Variants in PDE11A observed in about 807,000 individuals in gnomAD.
PDE11A encodes phosphodiesterase 11A.
A neutral mutation model predicts 100.5 loss-of-function variants in PDE11A; 100 were observed. The ratio of observed to expected loss-of-function variants is 1.00; its 90% CI spans 0.85 to 1.18. The LOEUF is 1.18. Among genes scored for constraint, PDE11A ranks in the 50% most tolerant of loss-of-function variants. The pLI is 0.00. For synonymous variants in PDE11A, 381 were observed against 420.8 expected (o/e 0.91, Z 1.16); for missense variants, 1,141 against 1,152.6 (o/e 0.99, Z 0.15).
intron 2 of PDE11A, chr2:177,997,662 G>A: frequency 6.5e-7 from 1 of 1,538,024 alleles, no homozygotes; most frequent in Admixed American, 1.7e-5. Context: ...TGAAATCTTT[G>A]AGTTTTTCTG....
At chr2:177,990,376 TA>T (rs1357063362) in intron 2 of PDE11A, among the ~76,000 whole-genome samples, 1 of 152,158 alleles carries the variant, frequency 6.6e-6, no homozygotes, top group Non-Finnish European at 1.5e-5. Flanking sequence ...TAACAGAGCT[TA>T]ACGATTTTCA....
At chr2:178,051,998 C>T (rs2086834701) in intron 1 of PDE11A, among the ~76,000 whole-genome samples, 1 of 152,108 alleles carries the variant, frequency 6.6e-6, no homozygotes, top group Non-Finnish European at 1.5e-5. Flanking sequence ...GAACTCAGCT[C>T]TGCACCAAGC....
chr2:177,850,606 G>A (rs2083684006), intron 5 of PDE11A, among the ~76,000 whole-genome samples: 1 of 152,110 alleles, frequency 6.6e-6, no homozygotes, highest in Non-Finnish European at 1.5e-5. Context: ...GCAACCTACA[G>A]AATGGGAGAA....
intron 5 of PDE11A, among the ~76,000 whole-genome samples, chr2:177,845,787 G>A (rs576229369): frequency 2.1e-3 from 315 of 152,336 alleles, no homozygotes; most frequent in African/African-American, 7.1e-3. Flanking sequence ...CCGGCACCTC[G>A]GGAGGCCGAG....
At chr2:178,105,430 G>A (rs145414289) in intron 1 of PDE11A, among the ~76,000 whole-genome samples, 163 of 152,254 alleles carry the variant, frequency 1.1e-3, no homozygotes, top group African/African-American at 3.9e-3. Flanking sequence ...CTGCACTCCA[G>A]CCTGGGTGAC....
chr2:177,927,284 A>G (rs1256722073), intron 2 of PDE11A, among the ~76,000 whole-genome samples: 1 of 152,248 alleles, frequency 6.6e-6, no homozygotes, highest in Non-Finnish European at 1.5e-5. Flanking sequence ...GTTATTTAGC[A>G]TTAAATTTCA....
chr2:177,794,195 T>C (rs10194586), intron 9 of PDE11A, among the ~76,000 whole-genome samples: 5,146 of 152,192 alleles, frequency 0.034, 307 homozygotes, highest in African/African-American at 0.12. Context: ...TAAATAAGAC[T>C]GTCTGGGAAG....
intron 1 of PDE11A, among the ~76,000 whole-genome samples, chr2:178,033,772 T>C (rs1178123230): frequency 6.6e-6 from 1 of 152,140 alleles, no homozygotes; most frequent in African/African-American, 2.4e-5. Context: ...AAAAAAGTTT[T>C]CAACCCAGAA....
chr2:177,872,708 T>A (rs553926727), intron 5 of PDE11A, among the ~76,000 whole-genome samples: 1 of 152,134 alleles, frequency 6.6e-6, no homozygotes, highest in African/African-American at 2.4e-5. Context: ...TCATCTATAG[T>A]GATGATGTTA....
chr2:177,913,683 T>C (rs1465842458), intron 2 of PDE11A, among the ~76,000 whole-genome samples: 2 of 152,034 alleles, frequency 1.3e-5, no homozygotes, highest in Non-Finnish European at 2.9e-5. Flanking sequence ...CACTTGGCAA[T>C]ATATCTTGGA....
chr2:177,689,450 G>A (rs1012877190), intron 15 of PDE11A, among the ~76,000 whole-genome samples: 2 of 151,936 alleles, frequency 1.3e-5, no homozygotes. Flanking sequence ...ATGTGTGGAT[G>A]CGGTGAGTGG....
chr2:177,814,231 A>G (rs1178479679), intron 9 of PDE11A, among the ~76,000 whole-genome samples: 1 of 152,104 alleles, frequency 6.6e-6, no homozygotes, highest in Non-Finnish European at 1.5e-5. Context: ...TTAGAAAAAT[A>G]TTACACTTAC....
chr2:177,695,985 A>T (rs1270076483), intron 15 of PDE11A, among the ~76,000 whole-genome samples: 2 of 152,202 alleles, frequency 1.3e-5, no homozygotes, highest in Non-Finnish European at 2.9e-5. Context: ...TCGATGTGGG[A>T]ATGGTGATAC....
intron 2 of PDE11A, among the ~76,000 whole-genome samples, chr2:177,961,621 T>C (rs1328007493): frequency 1.3e-5 from 2 of 152,214 alleles, no homozygotes; most frequent in African/African-American, 2.4e-5. Context: ...CAATACATAC[T>C]ACCTGTTATG....
At chr2:177,645,714 T>C (rs16865493) in intron 19 of PDE11A, among the ~76,000 whole-genome samples, 10,114 of 152,286 alleles carry the variant, frequency 0.066, 929 homozygotes, top group African/African-American at 0.21. Flanking sequence ...GAAGGCATAT[T>C]AGCTCATTAG....
intron 2 of PDE11A, among the ~76,000 whole-genome samples, chr2:177,946,485 C>T (rs1292618510): frequency 0.05 from 15 of 300 alleles, 1 homozygote; most frequent in Admixed American, 0.12. Context: ...CCCGGCCAGC[C>T]GCCCCGTCCC....
Position 177,819,555 on chromosome 2 carries a change from T to G in PDE11A, c.1576+665A>C, listed in dbSNP as rs536994151. Among the ~76,000 whole-genome samples the G allele has an allele frequency of 1.2e-3, 183 of 152,148 alleles. 1 individual carries two copies. The highest frequency in any genetic ancestry group is 2.0e-3 in the Non-Finnish European group (139 of 67,898). Reference sequence around the variant, plus strand: ...AATTTGATGCTTTCCTAATTGAGTTTTTTTGAGGAGAAGGAAAGGAGAATG... The same window carrying G: ...AATTTGATGCTTTCCTAATTGAGTTGTTTTGAGGAGAAGGAAAGGAGAATG... On this transcript the variant is annotated intron_variant, in intron 7 of 19. Coordinates refer to ENST00000286063, the MANE Select transcript of PDE11A (RefSeq NM_016953.4).
intron 13 of PDE11A, 63 bp from the exon 14 acceptor site, chr2:177,701,274 G>A (rs1574058997): frequency 1.2e-6 from 1 of 820,494 alleles, no homozygotes; most frequent in Admixed American, 1.8e-5. Flanking sequence ...CCAGCTTTTT[G>A]GATCAAACTG....
intron 17 of PDE11A, among the ~76,000 whole-genome samples, chr2:177,671,190 T>C (rs2105489863): frequency 6.6e-6 from 1 of 152,312 alleles, no homozygotes; most frequent in South Asian, 2.1e-4. Flanking sequence ...CATAGGTCTG[T>C]AGCCCCTGGA....
Sources: gnomAD v4.1 joint callset for allele counts (sites outside exome capture counted in the v4.1 genomes callset) on GRCh38, gnomAD v4.1.1 for gene constraint, MANE v1.5 for transcripts, NCBI Gene and HGNC (gene_info 2026-07-23, HGNC 2026-07-21) for gene names.